The following DNAJC3 variants were observed in gnomAD, a reference collection of about 807,000 sequenced individuals.
DNAJC3 encodes dnaJ homolog subfamily C member 3.
A neutral mutation model predicts 68.6 loss-of-function variants in DNAJC3; 38 were observed. The observed-to-expected ratio is 0.55, with a 90% confidence interval of 0.43 to 0.73. The LOEUF is 0.73. Among genes scored for constraint, DNAJC3 ranks in the 30% least tolerant of loss-of-function variants. DNAJC3 has a pLI of 0.00. For missense variants in DNAJC3, 526 were observed against 591.9 expected, an observed-to-expected ratio of 0.89 and a Z score of 1.16; for synonymous variants, 203 against 204.0, an observed-to-expected ratio of 1.00 and a Z score of 0.04.
intron 4 of DNAJC3, chr13:95,742,505 G>C (rs1330091935): frequency 9.5e-6 from 4 of 419,288 alleles, no homozygotes; most frequent in Middle Eastern, 8.0e-4. Flanking sequence ...GCTAGGATTG[G>C]AGGAGTCCAC....
At position 95,735,584 on chromosome 13, in the gene DNAJC3, T is replaced by C. The variant is rs1370694203; in HGVS notation, c.393+10332T>C. 2.0e-3 allele frequency among the ~76,000 whole-genome samples: 303 copies of C among 151,390 alleles called. 2 individuals are homozygous for C. Among genetic ancestry groups the C allele is most frequent in the Non-Finnish European group, 1.9e-3 (128 of 67,966 alleles). On this transcript the variant is annotated intron_variant, in intron 4 of 11. Coordinates refer to ENST00000602402, the MANE Select transcript of DNAJC3 (RefSeq NM_006260.5). ...CTCTGATGGCCAGTGATGATGAGCATTTTTTCATGTGTTTTTTGGCCGCAT... is the reference window on the plus strand; with the variant it reads ...CTCTGATGGCCAGTGATGATGAGCACTTTTTCATGTGTTTTTTGGCCGCAT...
rs1161840233 is a variant in DNAJC3, at chr13:95,709,347, A to G, written c.193+10A>G. ...TTTCATGCTGCCGTAGGTTTGTATCATGGAACCAAATCACTCAGTGTCTGT... is the reference window on the plus strand; with the variant it reads ...TTTCATGCTGCCGTAGGTTTGTATCGTGGAACCAAATCACTCAGTGTCTGT... On this transcript the variant is annotated intron_variant, in intron 2 of 11. Coordinates refer to ENST00000602402, the MANE Select transcript of DNAJC3 (RefSeq NM_006260.5). 1.3e-6 allele frequency: 2 copies of G among 1,573,918 alleles called. No homozygotes were observed. The highest frequency in any genetic ancestry group is 1.9e-5 in the Admixed American group (1 of 53,972).
chr13:95,696,315 C>T (rs775551236), intron 1 of DNAJC3, among the ~76,000 whole-genome samples: 13 of 152,182 alleles, frequency 8.5e-5, no homozygotes, highest in Non-Finnish European at 1.6e-4. Flanking sequence ...GCGTGTTACT[C>T]TCCTCGCTCT....
intron 1 of DNAJC3, among the ~76,000 whole-genome samples, chr13:95,705,265 C>T (rs1384088206): frequency 6.6e-6 from 1 of 152,110 alleles, no homozygotes; most frequent in East Asian, 1.9e-4. Flanking sequence ...GAGTGCCACC[C>T]ATAGAGTATG....
At chr13:95,690,960 G>GT (rs1566467907) in intron 1 of DNAJC3, among the ~76,000 whole-genome samples, 21 of 137,066 alleles carry the variant, frequency 1.5e-4, no homozygotes, top group African/African-American at 5.8e-4. Context: ...GGCTGGCCGG[G>GT]CGGGGGGCTG....
intron 3 of DNAJC3, among the ~76,000 whole-genome samples, chr13:95,723,730 G>A (rs925282785): frequency 6.6e-6 from 1 of 152,156 alleles, no homozygotes; most frequent in African/African-American, 2.4e-5. Flanking sequence ...TGCACTTAAG[G>A]CTGTACCAGG....
intron 2 of DNAJC3, among the ~76,000 whole-genome samples, chr13:95,713,867 C>A (rs73550559): frequency 0.017 from 2,596 of 152,220 alleles, 79 homozygotes; most frequent in African/African-American, 0.06. Flanking sequence ...AGTCAGATAC[C>A]CCAGTCAGTC....
intron 7 of DNAJC3, 150 bp downstream of exon 7, chr13:95,760,948 G>T: frequency 1.9e-6 from 2 of 1,076,868 alleles, no homozygotes; most frequent in Non-Finnish European, 2.5e-6. Flanking sequence ...ACCAGAATTG[G>T]ACATTTTTGG....
At chr13:95,749,909 G>A (rs111850969) in intron 4 of DNAJC3, among the ~76,000 whole-genome samples, 1,730 of 152,284 alleles carry the variant, frequency 0.011, 34 homozygotes, top group African/African-American at 0.04. Flanking sequence ...AATTAGCTGG[G>A]CGTGGTGGCC....
intron 4 of DNAJC3, among the ~76,000 whole-genome samples, chr13:95,738,672 C>CT (rs1436719062): frequency 6.6e-6 from 1 of 152,074 alleles, no homozygotes; most frequent in Non-Finnish European, 1.5e-5. Flanking sequence ...TTTCCATTGG[C>CT]TTGGTAGATC....
At chr13:95,734,564 T>C (rs1333858305) in intron 4 of DNAJC3, among the ~76,000 whole-genome samples, 1 of 152,188 alleles carries the variant, frequency 6.6e-6, no homozygotes, top group East Asian at 1.9e-4. Flanking sequence ...TCTAAATCTT[T>C]TGCTAGACTT....
intron 7 of DNAJC3, among the ~76,000 whole-genome samples, chr13:95,762,562 A>G (rs751134932): frequency 2.0e-5 from 3 of 152,130 alleles, no homozygotes; most frequent in Non-Finnish European, 4.4e-5. Context: ...GCTTAGCTGG[A>G]GCACTTGGGA....
chr13:95,708,782 A>T (rs1460403248), intron 1 of DNAJC3, among the ~76,000 whole-genome samples: 2 of 152,136 alleles, frequency 1.3e-5, no homozygotes, highest in African/African-American at 2.4e-5. Context: ...GGACGGTATG[A>T]GGGGCAGGAG....
Position 95,729,135 on chromosome 13 carries a change from T to C in DNAJC3, c.393+3883T>C, listed in dbSNP as rs192260861. ...CATGTGGCTGCATATGAACATGATT[T>C]TAATTCTTTTTTATGGCCAAATAGT... On this transcript the variant is annotated intron_variant, in intron 4 of 11. Transcript: ENST00000602402. Among the ~76,000 whole-genome samples the C allele has an allele frequency of 3.5e-3, 538 of 152,224 alleles. 4 individuals carry two copies. The highest frequency in any genetic ancestry group is 0.012 in the African/African-American group (512 of 41,544).
chr13:95,743,570 T>C (rs1056139554), intron 4 of DNAJC3, among the ~76,000 whole-genome samples: 2 of 152,176 alleles, frequency 1.3e-5, no homozygotes, highest in African/African-American at 2.4e-5. Flanking sequence ...TATTGATTGA[T>C]TGATTGAGAC....
At chr13:95,734,143 G>T (rs754895929) in intron 4 of DNAJC3, among the ~76,000 whole-genome samples, 1 of 152,002 alleles carries the variant, frequency 6.6e-6, no homozygotes, top group Non-Finnish European at 1.5e-5. Flanking sequence ...AGTTTTATAC[G>T]GTGTGTTTTC....
chr13:95,698,418 G>T (rs1355132593), intron 1 of DNAJC3, among the ~76,000 whole-genome samples: 2 of 152,192 alleles, frequency 1.3e-5, no homozygotes, highest in Non-Finnish European at 2.9e-5. Context: ...GATAGAGCTG[G>T]ATCGTCTAGC....
intron 10 of DNAJC3, 44 bp from the exon 11 acceptor site, chr13:95,786,963 T>TA (rs1264601552): frequency 1.3e-6 from 2 of 1,579,780 alleles, no homozygotes; most frequent in East Asian, 4.5e-5. Flanking sequence ...GATAGTATGT[T>TA]AGACACTTTT....
chr13:95,751,267 T>C (rs776773372), intron 4 of DNAJC3, among the ~76,000 whole-genome samples: 11 of 152,230 alleles, frequency 7.2e-5, no homozygotes, highest in Non-Finnish European at 1.0e-4. Context: ...TTCTGCTCTT[T>C]AGCAATTTAC....
Sources: allele counts gnomAD v4.1 joint callset (sites outside exome capture counted in the v4.1 genomes callset), GRCh38; gene constraint gnomAD v4.1.1; transcripts MANE v1.5; gene names NCBI Gene and HGNC (gene_info 2026-07-23, HGNC 2026-07-21).